MN1: variants seen among roughly 807,000 people sequenced by gnomAD.
MN1 encodes MN1 proto-oncogene, transcriptional regulator, also known as transcriptional activator MN1.
MN1 carries 19 observed loss-of-function variants against 86.9 expected under a neutral mutation model. That is an observed-to-expected ratio of 0.22 (90% CI 0.15 to 0.32). The LOEUF is 0.32. MN1 is among the 10% of genes least tolerant of loss of function. The probability of loss-of-function intolerance (pLI) is 1.00; values close to 1 mark genes in which losing one functional copy is unlikely to be tolerated. For missense variants in MN1, 1,841 were observed against 1,862.0 expected, an observed-to-expected ratio of 0.99 and a Z score of 0.21; for synonymous variants, 928 against 849.6, an observed-to-expected ratio of 1.09 and a Z score of -1.60.
intron 1 of MN1, among the ~76,000 whole-genome samples, chr22:27,784,489 A>T (rs1157322502): frequency 6.6e-6 from 1 of 152,232 alleles, no homozygotes; most frequent in Non-Finnish European, 1.5e-5. Flanking sequence ...GAACTAGGAC[A>T]CCAGTTTTTG....
chr22:27,772,478 TAC>T (rs1932926389), intron 1 of MN1, among the ~76,000 whole-genome samples: 2 of 152,134 alleles, frequency 1.3e-5, no homozygotes, highest in Non-Finnish European at 2.9e-5. Flanking sequence ...TGTGACGAAG[TAC>T]AGTCGTCAAG....
Position 27,796,978 on chromosome 22 carries a change from G to T in MN1, c.3566C>A (p.Ala1189Asp). 6.2e-7 allele frequency: 1 copy of T among 1,612,318 alleles called. No individual in the cohort carries two copies. The highest frequency in any genetic ancestry group is 8.5e-7 in the Non-Finnish European group (1 of 1,179,638). ...GGKKGECAVG[A>D]SGAQNGDSEL... is the part of the protein sequence containing the mutation. ...GCTGTCGCCATTCTGCGCCCCTGAG[G>T]CCCCGACGGCGCACTCACCCTTCTT... Residue 1189 changes from alanine to aspartate, a missense_variant, in exon 1 of 2, where the codon GCC (alanine) becomes GAC (aspartate). Ala to Asp is a moderately radical substitution (Grantham distance 126). Coordinates refer to ENST00000302326, the MANE Select transcript of MN1 (RefSeq NM_002430.3).
Position 27,800,523 on chromosome 22 carries a change from G to C in MN1, c.21C>G (p.Phe7Leu). 6.2e-7 allele frequency: 1 copy of C among 1,614,176 alleles called. No homozygotes were observed. The highest frequency in any genetic ancestry group is 8.5e-7 in the Non-Finnish European group (1 of 1,180,024). The change falls in exon 1 of 2, where the codon TTC (phenylalanine) becomes TTG (leucine). Residue 7 changes from phenylalanine to leucine, a missense_variant. By Grantham distance (22) the Phe-to-Leu change is conservative (BLOSUM62 0). Transcript: ENST00000302326. ...CGTTCCTGCTGTTGACCTGGGGCTC[G>C]AATTGGTCCAGCCCAAACATACTTG... MFGLDQ[F>L]EPQVNSRNAG...
At position 27,797,305 on chromosome 22, in the gene MN1, C is replaced by A. The variant is rs750764675; in HGVS notation, c.3239G>T (p.Gly1080Val). ...CCCACGGGGAGGGAGTTTGGGCGAG[C>A]CGGTCACCAGGGGACTCCTGCTCGC... ...VKASRSPLVT[G>V]SPKLPPRGVG... Residue 1080 changes from glycine to valine, a missense_variant, in exon 1 of 2, where the codon GGC becomes GTC. Physicochemically the swap from Gly to Val is moderately radical, Grantham distance 109 (BLOSUM62 -3). Coordinates refer to ENST00000302326, the MANE Select transcript of MN1 (RefSeq NM_002430.3). 1 of 1,599,566 alleles carries A rather than the reference C, an allele frequency of 6.3e-7. No individual in the cohort carries two copies. Among genetic ancestry groups the A allele is most frequent in the Non-Finnish European group, 8.5e-7 (1 of 1,179,062 alleles).
At chr22:27,779,174 C>T (rs2073780) in intron 1 of MN1, among the ~76,000 whole-genome samples, 52,680 of 151,966 alleles carry the variant, frequency 0.35, 9,423 homozygotes, top group East Asian at 0.45. Flanking sequence ...GGTCCTCACC[C>T]CCTAGGCCTG....
chr22:27,801,306 C>T lies in MN1; in HGVS notation c.-763G>A, dbSNP rs1277594613. The T allele has an allele frequency of 1.6e-5, 3 of 192,370 alleles. No homozygotes were observed. The allele number at this position is 192,370 out of a possible 1,614,324, so 11.9% of individuals were successfully genotyped here. ...TGGAGCCGAGGGTCGGGGAAAGGCG[C>T]GGCTCCTCTGCTCGGCAGCGGGTGC... On this transcript the variant is annotated 5_prime_UTR_variant, in exon 1 of 2. Coordinates refer to ENST00000302326, the MANE Select transcript of MN1 (RefSeq NM_002430.3).
chr22:27,771,912 G>A (rs936576350), intron 1 of MN1, among the ~76,000 whole-genome samples: 1 of 152,138 alleles, frequency 6.6e-6, no homozygotes, highest in African/African-American at 2.4e-5. Context: ...GAACTCCTGG[G>A]GAGGAAATCC....
At chr22:27,768,657 T>C (rs1282462117) in intron 1 of MN1, among the ~76,000 whole-genome samples, 1 of 152,080 alleles carries the variant, frequency 6.6e-6, no homozygotes, top group Non-Finnish European at 1.5e-5. Flanking sequence ...AATTTGAAAA[T>C]TGGCCAGGCA....
rs1456325331 is a variant in MN1, at chr22:27,799,571, C to T, written c.973G>A (p.Val325Met). The T allele has an allele frequency of 6.7e-7, 1 of 1,496,878 alleles. No individual in the cohort carries two copies. The highest frequency in any genetic ancestry group is 1.4e-5 in the African/African-American group (1 of 71,334). The allele number at this position is 1,496,878 out of a possible 1,614,324, so 92.7% of individuals were successfully genotyped here. ...ERFSGARKMP[V>M]GLEPSVGSRH... ...GAGCCCACTGAGGGCTCCAGACCCA[C>T]AGGCATCTTTCTGGCCCCACTGAAC... The change falls in exon 1 of 2, where the codon GTG (valine) becomes ATG (methionine). Residue 325 changes from valine (V) to methionine (M), a missense_variant. Val to Met is a conservative substitution (Grantham distance 21). Coordinates refer to ENST00000302326, the MANE Select transcript of MN1 (RefSeq NM_002430.3).
At chr22:27,791,018 C>T (rs1198852108) in intron 1 of MN1, among the ~76,000 whole-genome samples, 1 of 152,132 alleles carries the variant, frequency 6.6e-6, no homozygotes, top group Admixed American at 6.5e-5. Context: ...CGCTCGCCTT[C>T]AGAAAGCAGA....
chr22:27,765,928 C>A (rs1030085326), intron 1 of MN1, among the ~76,000 whole-genome samples: 1 of 152,144 alleles, frequency 6.6e-6, no homozygotes, highest in Non-Finnish European at 1.5e-5. Context: ...ACTAAGCCCC[C>A]GGGGTGCCTG....
chr22:27,797,924 G>C lies in MN1; in HGVS notation c.2620C>G (p.Pro874Ala). 1 of 1,600,940 alleles carries C rather than the reference G, an allele frequency of 6.2e-7. No homozygotes were observed. Among genetic ancestry groups the C allele is most frequent in the Non-Finnish European group, 8.5e-7 (1 of 1,173,270 alleles). ...CCTCCTGGGAAGTAATCCGAGCCCG[G>C]GTTGCCGGCCACTGCCGCGCCGTCG... ...ETDGAAVAGN[P>A]GSDYFPGGTA... The change falls in exon 1 of 2, where the codon CCG becomes GCG. Residue 874 changes from proline to alanine, a missense_variant. Transcript: ENST00000302326.
At position 27,799,621 on chromosome 22, in the gene MN1, TGCTGCTGCTGCTGGG is replaced by T. The variant is rs1400198343; in HGVS notation, c.908_922del (p.Pro303_Gln307del). 14 of 1,545,388 alleles carry T rather than the reference TGCTGCTGCTGCTGGG, an allele frequency of 9.1e-6. No individual in the cohort carries two copies. In the Admixed American group the frequency reaches 9.9e-5, roughly 11 times the overall value. On this transcript the variant is annotated inframe_deletion, in exon 1 of 2. Coordinates refer to ENST00000302326, the MANE Select transcript of MN1 (RefSeq NM_002430.3). Reference sequence around the variant, plus strand: ...CCTCTCAAAGAACACACCATGCTGCTGCTGCTGCTGCTGGGGCTGCTGCTGCTGCTGGGGCTGCTG... The same window carrying T: ...CCTCTCAAAGAACACACCATGCTGCTGCTGCTGCTGCTGCTGGGGCTGCTG...
intron 1 of MN1, among the ~76,000 whole-genome samples, chr22:27,793,909 T>C (rs1933248958): frequency 6.6e-6 from 1 of 152,208 alleles, no homozygotes; most frequent in South Asian, 2.1e-4. Context: ...GGTGTTAATA[T>C]TTAATCACAT....
At chr22:27,773,552 C>T (rs1020737344) in intron 1 of MN1, among the ~76,000 whole-genome samples, 3 of 152,192 alleles carry the variant, frequency 2.0e-5, no homozygotes, top group South Asian at 2.1e-4. Flanking sequence ...ATTTCATAGC[C>T]GAGGAAACTG....
chr22:27,770,069 G>A (rs1250938851), intron 1 of MN1, among the ~76,000 whole-genome samples: 1 of 152,134 alleles, frequency 6.6e-6, no homozygotes, highest in Non-Finnish European at 1.5e-5. Context: ...TGAGTATCCA[G>A]GGTGTTCAGC....
intron 1 of MN1, among the ~76,000 whole-genome samples, chr22:27,754,776 C>A (rs756293141): frequency 6.6e-6 from 1 of 152,182 alleles, no homozygotes; most frequent in Admixed American, 6.5e-5. Flanking sequence ...CCAGCCCCCA[C>A]GCCAGGACCC....
intron 1 of MN1, among the ~76,000 whole-genome samples, chr22:27,780,022 G>A (rs932922487): frequency 1.3e-5 from 2 of 152,126 alleles, no homozygotes; most frequent in African/African-American, 2.4e-5. Flanking sequence ...AGCCTAACTT[G>A]CCCTAACCTA....
chr22:27,798,522 C>T lies in MN1; in HGVS notation c.2022G>A (p.Val674=), dbSNP rs1334335151. The T allele has an allele frequency of 6.6e-7, 1 of 1,524,674 alleles. No individual in the cohort carries two copies. Among genetic ancestry groups the T allele is most frequent in the African/African-American group, 1.4e-5 (1 of 71,748 alleles). 94.4% of individuals were successfully genotyped at this position (1,524,674 alleles called of 1,614,324 possible). The change falls in exon 1 of 2, where the codon GTG becomes GTA. Residue 674 remains valine (V), a synonymous_variant. Coordinates refer to ENST00000302326, the MANE Select transcript of MN1 (RefSeq NM_002430.3). The part of the protein sequence containing the change: ...APPPPPGGSG[V]LFRGPLQEPM... The stretch of plus-strand genomic sequence containing the variant: ...GCTCCTGCAGAGGGCCCCGGAACAG[C>T]ACCCCCGAGCCACCAGGCGGAGGAG...
Sources: gnomAD v4.1 joint callset for allele counts (sites outside exome capture counted in the v4.1 genomes callset) on GRCh38, gnomAD v4.1.1 for gene constraint, MANE v1.5 for transcripts, NCBI Gene and HGNC (gene_info 2026-07-23, HGNC 2026-07-21) for gene names.